The following STAG3 variants were observed in gnomAD, a reference collection of about 807,000 sequenced individuals.
STAG3 encodes STAG3 cohesin complex component.
In STAG3, 101 loss-of-function variants were observed where a neutral mutation model predicts 160.7. The ratio of observed to expected loss-of-function variants is 0.63; its 90% CI spans 0.54 to 0.74. STAG3 has a LOEUF of 0.74. Ranked by LOEUF, STAG3 falls within the 30% of genes least tolerant of loss-of-function variation. The pLI, the probability that STAG3 is intolerant of heterozygous loss-of-function variation, is 0.00. For synonymous variants in STAG3, 519 were observed against 585.0 expected, an observed-to-expected ratio of 0.89 and a Z score of 1.63; for missense variants, 1,188 against 1,517.4, an observed-to-expected ratio of 0.78 and a Z score of 3.61.
chr7:100,201,303 T>C lies in STAG3; in HGVS notation c.2172T>C (p.Cys724=). 1 of 1,614,170 alleles carries C rather than the reference T, an allele frequency of 6.2e-7. No individual in the cohort carries two copies. The highest frequency in any genetic ancestry group is 8.5e-7 in the Non-Finnish European group (1 of 1,180,022). Residue 724 remains cysteine (C), a synonymous_variant, in exon 21 of 34, where the codon TGT becomes TGC. Coordinates refer to ENST00000615138, the MANE Select transcript of STAG3 (RefSeq NM_001282717.2). ...DLTRWELYEP[C]CQLLQKAVDT... ...CTCGCTGGGAGCTCTATGAGCCATG[T>C]TGCCAACTCCTGCAGAAGGCTGTGG...
intron 5 of STAG3, 21 bp from the exon 6 acceptor site, chr7:100,188,432 C>A: frequency 6.5e-7 from 1 of 1,536,088 alleles, no homozygotes; most frequent in Non-Finnish European, 9.0e-7. Context: ...TTGTAAGCAC[C>A]TCATATCCTT....
At chr7:100,188,570 C>A in intron 6 of STAG3, 41 bp downstream of exon 6, 1 of 1,429,492 alleles carries the variant, frequency 7.0e-7, no homozygotes, top group South Asian at 1.1e-5. Context: ...CCTCTTATTT[C>A]AAAACACAAT....
intron 4 of STAG3, among the ~76,000 whole-genome samples, chr7:100,185,476 C>T (rs1249715952): frequency 6.6e-6 from 1 of 151,850 alleles, no homozygotes; most frequent in Non-Finnish European, 1.5e-5. Context: ...GTGGCGCACA[C>T]CTGTAATCCC....
Position 100,205,031 on chromosome 7 carries a change from A to G in STAG3, c.2978A>G (p.Glu993Gly). ...HKEGIQFSLS[E>G]LPPAGSSNQP... ...GAAGGCATCCAGTTCTCCTTGTCTG[A>G]GCTTCCTCCAGCTGGCTCCTCCAAT... Residue 993 changes from glutamate (E) to glycine (G), a missense_variant, in exon 28 of 34, where the codon GAG becomes GGG. Glu to Gly is a moderately conservative substitution (Grantham distance 98, BLOSUM62 -2). Transcript: ENST00000615138. 3 of 1,613,874 alleles carry G rather than the reference A, an allele frequency of 1.9e-6. No individual in the cohort carries two copies. Among genetic ancestry groups the G allele is most frequent in the Non-Finnish European group, 2.5e-6 (3 of 1,179,906 alleles).
rs753740336 is a variant in STAG3, at chr7:100,214,193, CGA to C, written c.*183_*184del. The C allele has an allele frequency of 1.2e-4, 103 of 839,042 alleles. No homozygotes were observed. Among genetic ancestry groups the C allele is most frequent in the Non-Finnish European group, 1.8e-4 (96 of 538,114 alleles). The allele number at this position is 839,042 out of a possible 1,614,324, so 52.0% of individuals were successfully genotyped here. ...ACCTTTCCCTCTGGGGTAGAGAAGCCGAGAGACCCTGTCCTCCCTAATGCACT... is the reference window on the plus strand; with the variant it reads ...ACCTTTCCCTCTGGGGTAGAGAAGCCGAGACCCTGTCCTCCCTAATGCACT... On this transcript the variant is annotated 3_prime_UTR_variant, in exon 34 of 34. Transcript: ENST00000615138.
rs747424431 is a variant in STAG3, at chr7:100,198,160, T to C, written c.1238T>C (p.Ile413Thr). The C allele has an allele frequency of 3.7e-6, 6 of 1,613,864 alleles. No homozygotes were observed. The highest frequency in any genetic ancestry group is 5.1e-6 in the Non-Finnish European group (6 of 1,179,770). The change falls in exon 12 of 34, where the codon ATC becomes ACC. Residue 413 changes from isoleucine to threonine, a missense_variant. Ile to Thr is a moderately conservative substitution (Grantham distance 89). Transcript: ENST00000615138. ...AVEAVRLLIL[I>T]LKNMEGVLTD... ...GAGGCTGTCAGATTACTGATACTTATCCTTAAGTGAGTCCTGGGAAGAGGG... is the reference window on the plus strand; with the variant it reads ...GAGGCTGTCAGATTACTGATACTTACCCTTAAGTGAGTCCTGGGAAGAGGG...
Position 100,182,111 on chromosome 7 carries a change from T to C in STAG3, c.138T>C (p.Ala46=). 6.2e-7 allele frequency: 1 copy of C among 1,613,452 alleles called. No individual in the cohort carries two copies. Among genetic ancestry groups the C allele is most frequent in the Non-Finnish European group, 8.5e-7 (1 of 1,179,610 alleles). The change falls in exon 3 of 34, where the codon GCT becomes GCC. Residue 46 remains alanine, a synonymous_variant. Coordinates refer to ENST00000615138, the MANE Select transcript of STAG3 (RefSeq NM_001282717.2). ...TSEGNGDSLL[A]DEDTDFEDSL... is the part of the protein sequence containing the mutation. Reference sequence around the variant, plus strand: ...ACAGGAATGGCGACTCTTTGTTAGCTGATGAAGACACTGACTTTGAAGACA... The same window carrying C: ...ACAGGAATGGCGACTCTTTGTTAGCCGATGAAGACACTGACTTTGAAGACA...
intron 4 of STAG3, among the ~76,000 whole-genome samples, chr7:100,184,463 G>GTTTTTT (rs1554403741): frequency 3.1e-4 from 31 of 98,566 alleles, no homozygotes; most frequent in Non-Finnish European, 3.7e-4. Context: ...CAGCGTGTTA[G>GTTTTTT]TTTTTTTTTT....
At chr7:100,216,541 C>T (rs1403676743), downstream of STAG3, among the ~76,000 whole-genome samples, 1 of 152,132 alleles carries the variant, frequency 6.6e-6, no homozygotes, top group Non-Finnish European at 1.5e-5. Flanking sequence ...TGGCTCAGGC[C>T]TGTAATCCCA....
downstream of STAG3, among the ~76,000 whole-genome samples, chr7:100,216,665 G>A (rs1802777014): frequency 1.3e-5 from 2 of 152,044 alleles, no homozygotes; most frequent in Admixed American, 6.6e-5. Context: ...GCTGGGTGTG[G>A]TGGCATGAGC....
Position 100,207,303 on chromosome 7 carries a change from C to T in STAG3, c.3238+1919C>T, listed in dbSNP as rs976924425. Among the ~76,000 whole-genome samples the T allele has an allele frequency of 1.4e-4, 21 of 152,324 alleles. No individual in the cohort carries two copies. The highest frequency in any genetic ancestry group is 1.3e-3 in the Admixed American group (20 of 15,304). On this transcript the variant is annotated intron_variant, in intron 29 of 33. Transcript: ENST00000615138. This position sits in a 1 kb window ranked among gnomAD's most constrained non-coding sequence, Gnocchi z 4.0. ...TTTTGAGGAACTACCACACTGTTTT[C>T]CAAAGTACCTACACCAGTTTACAAT... is the stretch of plus-strand genomic sequence containing the variant.
intron 32 of STAG3, chr7:100,213,330 G>T: frequency 8.1e-6 from 8 of 985,170 alleles, no homozygotes; most frequent in Non-Finnish European, 9.6e-6. Flanking sequence ...CGTATCTTCT[G>T]CTGTTATTCT....
Position 100,198,909 on chromosome 7 carries a change from C to G in STAG3, c.1419C>G (p.Ala473=). The change falls in exon 14 of 34, where the codon GCC becomes GCG. Residue 473 remains alanine, a synonymous_variant. Coordinates refer to ENST00000615138, the MANE Select transcript of STAG3 (RefSeq NM_001282717.2). The part of the protein sequence containing the change: ...GGREQRQSPG[A]QRTFFQLLLS... Reference sequence around the variant, plus strand: ...GAGAGCAACGCCAGAGCCCAGGCGCCCAGAGGACTTTCTTCCAGCTTCTGC... The same window carrying G: ...GAGAGCAACGCCAGAGCCCAGGCGCGCAGAGGACTTTCTTCCAGCTTCTGC... 1 of 1,612,210 alleles carries G rather than the reference C, an allele frequency of 6.2e-7. No individual in the cohort carries two copies. Among genetic ancestry groups the G allele is most frequent in the Non-Finnish European group, 8.5e-7 (1 of 1,180,014 alleles).
At chr7:100,190,906 AC>A (rs1341492837) in intron 8 of STAG3, among the ~76,000 whole-genome samples, 2 of 152,050 alleles carry the variant, frequency 1.3e-5, no homozygotes, top group African/African-American at 4.8e-5. Context: ...TATTTGCTTT[AC>A]CTATTTTTGC....
At position 100,204,723 on chromosome 7, in the gene STAG3, A is replaced by C; in HGVS notation, c.2899A>C (p.Ser967Arg). ...GGACCTGGCCCGGAGGTTTGCCTTG[A>C]GTTTTGGACCCCAGCAGCTGCAGAA... ...MRDLARRFAL[S>R]FGPQQLQNRD... is the part of the protein sequence containing the mutation. The change falls in exon 27 of 34, where the codon AGT (serine) becomes CGT (arginine). Residue 967 changes from serine to arginine, a missense_variant. Around this residue, in one of 4 missense-constraint regions of STAG3, gnomAD observed 647 missense variants for 717.2 expected, o/e 0.90. Coordinates refer to ENST00000615138, the MANE Select transcript of STAG3 (RefSeq NM_001282717.2). 6.2e-7 allele frequency: 1 copy of C among 1,613,776 alleles called. No homozygotes were observed. Among genetic ancestry groups the C allele is most frequent in the Non-Finnish European group, 8.5e-7 (1 of 1,179,950 alleles).
chr7:100,193,610 C>T (rs1224490359), intron 8 of STAG3, among the ~76,000 whole-genome samples: 1 of 152,202 alleles, frequency 6.6e-6, no homozygotes, highest in Admixed American at 6.5e-5. Context: ...TTAAACCTCA[C>T]GAACTAACTT....
downstream of STAG3, chr7:100,214,994 G>C (rs1006999907): frequency 8.6e-5 from 13 of 151,998 alleles, no homozygotes; most frequent in African/African-American, 2.9e-4. Context: ...TGCAGCCTCA[G>C]GGCCAGCCTC....
intron 4 of STAG3, 125 bp from the exon 5 acceptor site, chr7:100,186,074 AG>A: frequency 3.7e-6 from 3 of 809,824 alleles, no homozygotes; most frequent in Non-Finnish European, 6.1e-6. Context: ...CTAGTTCACC[AG>A]TACATTGTGA....
At chr7:100,198,993 T>C (rs1286174887) in intron 14 of STAG3, 36 bp downstream of exon 14, 2 of 1,590,396 alleles carry the variant, frequency 1.3e-6, no homozygotes, top group Non-Finnish European at 1.7e-6. Context: ...CTGTTGTGCA[T>C]AGGACCTACA....
Sources: allele counts gnomAD v4.1 joint callset (sites outside exome capture counted in the v4.1 genomes callset), GRCh38; gene constraint gnomAD v4.1.1; regional missense constraint gnomAD v4.1.1; non-coding constraint Gnocchi (gnomAD v3.1); transcripts MANE v1.5; gene names NCBI Gene and HGNC (gene_info 2026-07-23, HGNC 2026-07-21).